TMEM232: variants seen among roughly 807,000 people sequenced by gnomAD.
The protein encoded by TMEM232 is transmembrane protein 232.
A neutral mutation model predicts 78.8 loss-of-function variants in TMEM232; 80 were observed. That is an observed-to-expected ratio of 1.01 (90% CI 0.85 to 1.22). The LOEUF is 1.22. Ranked by LOEUF, TMEM232 falls within the 50% of genes most tolerant of loss-of-function variation. TMEM232 has a pLI of 0.00. For missense variants in TMEM232, 881 were observed against 742.2 expected (o/e 1.19, Z -2.17); for synonymous variants, 297 against 254.3 (o/e 1.17, Z -1.60).
rs569733742 is a variant in TMEM232, at chr5:110,483,123, T to C, written c.1703+45465A>G. 3.9e-5 allele frequency among the ~76,000 whole-genome samples: 6 copies of C among 152,260 alleles called. No individual in the cohort carries two copies. The East Asian group carries it at 1.2e-3, about 29-fold the overall frequency. ...AATTATAAATCTATGTTGTTGGGCA[T>C]ACAATGTATAAAGATGAAATTTACA... On this transcript the variant is annotated intron_variant, in intron 12 of 13. Transcript: ENST00000455884.
chr5:110,605,083 A>T, intron 10 of TMEM232, 26 bp downstream of exon 10: 1 of 1,505,430 alleles, frequency 6.6e-7, no homozygotes, highest in Non-Finnish European at 8.9e-7. Flanking sequence ...AATATTACTC[A>T]TCAAAGTAAA....
intron 1 of TMEM232, among the ~76,000 whole-genome samples, chr5:110,736,556 T>A (rs975400362): frequency 6.6e-6 from 1 of 150,918 alleles, no homozygotes; most frequent in Non-Finnish European, 1.5e-5. Context: ...TCATGTCATT[T>A]AATACTCATC....
chr5:110,669,462 A>G (rs569729110), intron 1 of TMEM232, among the ~76,000 whole-genome samples: 1 of 152,344 alleles, frequency 6.6e-6, no homozygotes, highest in South Asian at 2.1e-4. Context: ...GACCAATAAC[A>G]GGCTCTGAAA....
intron 8 of TMEM232, 46 bp downstream of exon 8, chr5:110,618,383 A>G: frequency 6.5e-7 from 1 of 1,542,810 alleles, no homozygotes; most frequent in South Asian, 1.2e-5. Context: ...ATTTAAGCAC[A>G]AAGATTTCTC....
At chr5:110,405,327 CAAATT>C (rs1346198210) in intron 2 of TMEM232, among the ~76,000 whole-genome samples, 1 of 151,736 alleles carries the variant, frequency 6.6e-6, no homozygotes, top group Non-Finnish European at 1.5e-5. Context: ...AGAACCAAAA[CAAATT>C]AAATTTTTAT....
At chr5:110,735,211 C>T (rs1398595712) in intron 1 of TMEM232, among the ~76,000 whole-genome samples, 3 of 152,180 alleles carry the variant, frequency 2.0e-5, no homozygotes, top group African/African-American at 7.2e-5. Flanking sequence ...AAATGAATGA[C>T]TTGCTTGCTC....
chr5:110,717,751 G>A (rs1453686582), intron 1 of TMEM232, among the ~76,000 whole-genome samples: 1 of 152,086 alleles, frequency 6.6e-6, no homozygotes, highest in Non-Finnish European at 1.5e-5. Flanking sequence ...AGATGTGATG[G>A]TTTTATAAGG....
rs138955053 is a variant in TMEM232 at position 110,631,095 on chromosome 5, C to T, written c.502-3215G>A. On this transcript the variant is annotated intron_variant, in intron 5 of 13. Transcript: ENST00000455884. ...TATCTCCATATCCCAGGAGCCCCAACTGACATTCCCCAGTGTCTACCCAGC... is the reference window on the plus strand; with the variant it reads ...TATCTCCATATCCCAGGAGCCCCAATTGACATTCCCCAGTGTCTACCCAGC... Among the ~76,000 whole-genome samples, 19 of 152,258 alleles carry T rather than the reference C, an allele frequency of 1.2e-4. No individual in the cohort carries two copies. In the East Asian group the frequency reaches 3.5e-3, roughly 28 times the overall value.
intron 5 of TMEM232, 102 bp from the exon 6 acceptor site, chr5:110,627,982 A>T (rs757767916): frequency 5.9e-6 from 5 of 847,122 alleles, no homozygotes; most frequent in Non-Finnish European, 9.2e-6. Flanking sequence ...TTCTTTTGAG[A>T]AAACAATTTT....
chr5:110,427,531 A>G (rs905089979), intron 12 of TMEM232, among the ~76,000 whole-genome samples: 2 of 151,900 alleles, frequency 1.3e-5, no homozygotes, highest in Admixed American at 1.3e-4. Context: ...GAAAGATGGT[A>G]TACTAGTTTC....
At chr5:110,567,584 T>TAGA (rs1329419966) in intron 11 of TMEM232, among the ~76,000 whole-genome samples, 2 of 151,948 alleles carry the variant, frequency 1.3e-5, no homozygotes, top group East Asian at 3.9e-4. Context: ...AATTATAATT[T>TAGA]AGGCTAGGAG....
At chr5:110,514,892 C>A (rs1029827450) in intron 12 of TMEM232, among the ~76,000 whole-genome samples, 2 of 151,914 alleles carry the variant, frequency 1.3e-5, no homozygotes, top group Admixed American at 1.3e-4. Context: ...AGGTTCAAGG[C>A]CTAGAAAAAA....
At chr5:110,594,327 C>T (rs1724856663) in intron 10 of TMEM232, among the ~76,000 whole-genome samples, 1 of 152,130 alleles carries the variant, frequency 6.6e-6, no homozygotes, top group Non-Finnish European at 1.5e-5. Flanking sequence ...AGGAGATTCC[C>T]TCCTGTGCCT....
intron 2 of TMEM232, among the ~76,000 whole-genome samples, chr5:110,648,750 C>T (rs1441458371): frequency 6.6e-6 from 1 of 152,032 alleles, no homozygotes; most frequent in Non-Finnish European, 1.5e-5. Context: ...CTATAAATAC[C>T]TTATTAGGAG....
chr5:110,511,445 A>T (rs1039967431), intron 12 of TMEM232, among the ~76,000 whole-genome samples: 9 of 149,302 alleles, frequency 6.0e-5, no homozygotes, highest in Admixed American at 2.7e-4. Context: ...AGTATAATTT[A>T]AAAAAAAAAG....
At chr5:110,704,306 G>A (rs1795712310) in intron 1 of TMEM232, among the ~76,000 whole-genome samples, 2 of 151,966 alleles carry the variant, frequency 1.3e-5, no homozygotes, top group African/African-American at 4.8e-5. Context: ...ACTTGATATG[G>A]TTGACTCCTG....
intron 12 of TMEM232, among the ~76,000 whole-genome samples, chr5:110,461,134 T>G (rs537236488): frequency 6.6e-6 from 1 of 151,904 alleles, no homozygotes; most frequent in Non-Finnish European, 1.5e-5. Flanking sequence ...GAAAGACATA[T>G]GAAAACTGCA....
At chr5:110,636,996 T>G (rs897290484) in intron 5 of TMEM232, among the ~76,000 whole-genome samples, 3 of 151,778 alleles carry the variant, frequency 2.0e-5, no homozygotes, top group Admixed American at 6.6e-5. Flanking sequence ...TGGAGAAAGG[T>G]CACTGAAGGA....
intron 5 of TMEM232, among the ~76,000 whole-genome samples, chr5:110,632,386 C>T (rs1399408328): frequency 6.6e-6 from 1 of 150,966 alleles, no homozygotes; most frequent in Non-Finnish European, 1.5e-5. Context: ...ACAATAATTC[C>T]CCAGCAATAT....
Sources: allele counts gnomAD v4.1 joint callset (sites outside exome capture counted in the v4.1 genomes callset), GRCh38; gene constraint gnomAD v4.1.1; transcripts MANE v1.5; gene names NCBI Gene and HGNC (gene_info 2026-07-23, HGNC 2026-07-21).